ANO5: variants seen among roughly 807,000 people sequenced by gnomAD.
The protein encoded by ANO5 is anoctamin 5, also known as anoctamin-5.
ANO5 carries 109 observed loss-of-function variants against 121.0 expected under a neutral mutation model. The observed-to-expected ratio is 0.90, with a 90% CI of 0.77 to 1.06. The LOEUF (loss-of-function observed/expected upper bound fraction) is 1.06. Ranked by LOEUF, ANO5 falls within the 50% of genes least tolerant of loss-of-function variation. The pLI is 0.00. For missense variants in ANO5, 1,064 were observed against 1,078.5 expected (o/e 0.99, Z 0.19); for synonymous variants, 406 against 359.9 (o/e 1.13, Z -1.45).
intron 19 of ANO5, 71 bp downstream of exon 19, chr11:22,273,060 C>T: frequency 7.2e-7 from 1 of 1,394,562 alleles, no homozygotes; most frequent in Non-Finnish European, 1.0e-6. Context: ...GTGAATGATG[C>T]TTAATCTTTA....
At chr11:22,197,034 C>G (rs890747961) in intron 1 of ANO5, among the ~76,000 whole-genome samples, 1 of 152,048 alleles carries the variant, frequency 6.6e-6, no homozygotes, top group Admixed American at 6.6e-5. Context: ...CTAAATTTAC[C>G]CATATAGGTA....
rs1350082012 is a variant in ANO5, at chr11:22,221,079, C to T, written c.181-18C>T. ...ATAAAACTATAATTTACAATTGTGTCATTTATGTCTCCTGCAGTTTCAAAA... is the reference window on the plus strand; with the variant it reads ...ATAAAACTATAATTTACAATTGTGTTATTTATGTCTCCTGCAGTTTCAAAA... On this transcript the variant is annotated intron_variant, in intron 4 of 21. Transcript: ENST00000324559. 10 of 1,521,264 alleles carry T rather than the reference C, an allele frequency of 6.6e-6. No homozygotes were observed. The highest frequency in any genetic ancestry group is 9.1e-6 in the Non-Finnish European group (10 of 1,097,010). The allele number at this position is 1,521,264 out of a possible 1,614,324, so 94.2% of individuals were successfully genotyped here. A position where few individuals can be genotyped will look rare whatever the true frequency, so the allele number is the denominator to read the frequency against.
intron 7 of ANO5, among the ~76,000 whole-genome samples, chr11:22,227,852 A>C (rs1852898887): frequency 6.6e-6 from 1 of 152,074 alleles, no homozygotes; most frequent in African/African-American, 2.4e-5. Flanking sequence ...TGGAAAAAGC[A>C]ATTAATTGAG....
intron 2 of ANO5, among the ~76,000 whole-genome samples, chr11:22,207,940 A>G (rs1432402025): frequency 6.6e-6 from 1 of 152,108 alleles, no homozygotes; most frequent in African/African-American, 2.4e-5. Flanking sequence ...CTTCAATATC[A>G]CCAGCCACTA....
In ANO5 at chr11:22,265,737, A is replaced by T. The variant is rs1308993156; in HGVS notation, c.1898+2694A>T. 3.9e-5 allele frequency among the ~76,000 whole-genome samples: 6 copies of T among 152,116 alleles called. 1 individual carries two copies. ...GATTTTTATAGGTATAGACAAGTGG[A>T]TTCTAAAATTTATATGGATGGCCAA... On this transcript the variant is annotated intron_variant, in intron 17 of 21. Transcript: ENST00000324559.
In ANO5 at chr11:22,272,302, G is replaced by GCACACACACACACACA. The variant is rs60487083; in HGVS notation, c.2030-453_2030-438dup. 2.3e-3 allele frequency among the ~76,000 whole-genome samples: 306 copies of GCACACACACACACACA among 134,556 alleles called. 1 individual carries two copies. Among genetic ancestry groups the GCACACACACACACACA allele is most frequent in the Admixed American group, 5.9e-3 (77 of 12,984 alleles). 88.3% of individuals were successfully genotyped at this position (134,556 alleles called of 152,430 possible). On this transcript the variant is annotated intron_variant, in intron 18 of 21. Coordinates refer to ENST00000324559, the MANE Select transcript of ANO5 (RefSeq NM_213599.3). ...TAGAAAATGTATATTTCCTTTTCCG[G>GCACACACACACACACA]CACACACACACACACACACACACAC... is the stretch of plus-strand genomic sequence containing the variant.
intron 7 of ANO5, among the ~76,000 whole-genome samples, chr11:22,232,800 T>C (rs1054342735): frequency 6.6e-6 from 1 of 151,988 alleles, no homozygotes; most frequent in South Asian, 2.1e-4. Flanking sequence ...TAAGTATCTA[T>C]ATATTCATAG....
Position 22,279,602 on chromosome 11 carries a change from A to T in ANO5, c.2579A>T (p.Asp860Val). The T allele has an allele frequency of 1.2e-6, 2 of 1,613,008 alleles. No individual in the cohort carries two copies. The highest frequency in any genetic ancestry group is 1.7e-6 in the Non-Finnish European group (2 of 1,179,208). The change falls in exon 22 of 22, where the codon GAT becomes GTT. Residue 860 changes from aspartate (D) to valine (V), a missense_variant. Asp to Val is a radical substitution (Grantham distance 152, BLOSUM62 -3). Transcript: ENST00000324559. ...LAWMIPDVPK[D>V]VVERIKREKL... ...TGGATGATACCTGATGTTCCAAAAG[A>T]TGTTGTGGAGAGAATCAAGAGAGAA...
At chr11:22,244,164 G>A (rs1415440470) in intron 9 of ANO5, among the ~76,000 whole-genome samples, 1 of 152,054 alleles carries the variant, frequency 6.6e-6, no homozygotes, top group African/African-American at 2.4e-5. Flanking sequence ...CACTTATGAA[G>A]CTTAGTTTGA....
chr11:22,277,504 TTA>T (rs1481184456), intron 21 of ANO5, among the ~76,000 whole-genome samples: 7 of 146,678 alleles, frequency 4.8e-5, no homozygotes, highest in African/African-American at 1.9e-4. Flanking sequence ...AGAGTTTTGA[TTA>T]AGAGATTTTA....
intron 7 of ANO5, among the ~76,000 whole-genome samples, chr11:22,229,392 C>G (rs1590249416): frequency 6.6e-6 from 1 of 151,662 alleles, no homozygotes; most frequent in Non-Finnish European, 1.5e-5. Context: ...TATGAATCCA[C>G]AAACTAAAAA....
intron 17 of ANO5, among the ~76,000 whole-genome samples, chr11:22,266,398 A>C (rs1318443052): frequency 1.3e-5 from 2 of 152,192 alleles, no homozygotes; most frequent in East Asian, 3.9e-4. Context: ...GAGTATAAGC[A>C]ATATACAAAT....
chr11:22,204,279 T>A (rs570388619), intron 2 of ANO5, among the ~76,000 whole-genome samples: 51 of 152,214 alleles, frequency 3.4e-4, no homozygotes, highest in African/African-American at 1.2e-3. Flanking sequence ...AATAAATAAA[T>A]TAAATACTAC....
At chr11:22,273,486 A>T (rs1170499182) in intron 19 of ANO5, among the ~76,000 whole-genome samples, 3 of 152,180 alleles carry the variant, frequency 2.0e-5, no homozygotes, top group Non-Finnish European at 4.4e-5. Flanking sequence ...GCATCCTATA[A>T]GAGAAAACAG....
rs147144452 is a variant in ANO5 at position 22,228,453 on chromosome 11, AT to A, written c.648+869del. Among the ~76,000 whole-genome samples, 452 of 152,114 alleles carry A rather than the reference AT, an allele frequency of 3.0e-3. 5 individuals carry two copies. In the East Asian group the frequency reaches 0.043, roughly 14 times the overall value. On this transcript the variant is annotated intron_variant, in intron 7 of 21. Coordinates refer to ENST00000324559, the MANE Select transcript of ANO5 (RefSeq NM_213599.3). The stretch of plus-strand genomic sequence containing the variant: ...ATTATGTAATGAACAAATTGGGATA[AT>A]TAGCATCTCCATCATCTTAAAATTT...
intron 3 of ANO5, among the ~76,000 whole-genome samples, chr11:22,215,846 GA>G (rs2133569102): frequency 6.6e-6 from 1 of 151,854 alleles, no homozygotes; most frequent in South Asian, 2.1e-4. Context: ...AGCAACCGCT[GA>G]TTTGTTTTTC....
chr11:22,220,150 T>C (rs950247816), intron 4 of ANO5, among the ~76,000 whole-genome samples: 5 of 151,962 alleles, frequency 3.3e-5, no homozygotes, highest in African/African-American at 1.2e-4. Flanking sequence ...AGGAAACTCA[T>C]GAATTAATAG....
intron 9 of ANO5, among the ~76,000 whole-genome samples, chr11:22,241,579 T>C (rs1853433820): frequency 6.6e-6 from 1 of 152,158 alleles, no homozygotes; most frequent in South Asian, 2.1e-4. Context: ...TTTTTAATCA[T>C]AGCCATTCTG....
In ANO5 at chr11:22,257,686, G is replaced by A. The variant is rs745972421; in HGVS notation, c.1339G>A (p.Glu447Lys). 6.2e-7 allele frequency: 1 copy of A among 1,610,402 alleles called. No homozygotes were observed. The highest frequency in any genetic ancestry group is 1.1e-5 in the South Asian group (1 of 90,986). Residue 447 changes from glutamate (E) to lysine (K), a missense_variant, in exon 14 of 22, where the codon GAA becomes AAA. By Grantham distance (56) the Glu-to-Lys change is moderately conservative. Coordinates refer to ENST00000324559, the MANE Select transcript of ANO5 (RefSeq NM_213599.3). The part of the protein sequence containing the change: ...RKLNAVTKEM[E>K]PYMPLYTRIP... ...GATTTCTTCAATATTACAGGAGATGGAACCTTACATGCCTCTATACACGCG... is the reference window on the plus strand; with the variant it reads ...GATTTCTTCAATATTACAGGAGATGAAACCTTACATGCCTCTATACACGCG...
Sources: allele counts gnomAD v4.1 joint callset (sites outside exome capture counted in the v4.1 genomes callset), GRCh38; gene constraint gnomAD v4.1.1; transcripts MANE v1.5; gene names NCBI Gene and HGNC (gene_info 2026-07-23, HGNC 2026-07-21).